The following KCNMA1 variants were observed in gnomAD, a reference collection of about 807,000 sequenced individuals.
KCNMA1 encodes Calcium-activated potassium channel subunit alpha-1.
In KCNMA1, 29 loss-of-function variants were observed where a neutral mutation model predicts 140.0. That is an observed-to-expected ratio of 0.21 (90% CI 0.15 to 0.28). The LOEUF is 0.28. Among genes scored for constraint, KCNMA1 ranks in the 10% least tolerant of loss-of-function variants. KCNMA1 has a pLI of 1.00. For synonymous variants in KCNMA1, 612 were observed against 611.9 expected, an observed-to-expected ratio of 1.00 and a Z score of 0.00; for missense variants, 880 against 1,602.2, an observed-to-expected ratio of 0.55 and a Z score of 7.70.
intron 2 of KCNMA1, among the ~76,000 whole-genome samples, chr10:77,291,801 A>G (rs1396809649): frequency 1.3e-5 from 2 of 151,998 alleles, no homozygotes; most frequent in Non-Finnish European, 2.9e-5. Flanking sequence ...TGTTTATTTC[A>G]TTTTTTCATG....
intron 14 of KCNMA1, chr10:77,063,614 C>G (rs550686179): frequency 2.5e-5 from 13 of 527,114 alleles, no homozygotes; most frequent in Admixed American, 6.4e-5. Context: ...AATTCCTCAT[C>G]ATTGTTCTGG....
intron 2 of KCNMA1, among the ~76,000 whole-genome samples, chr10:77,270,856 A>C (rs998242522): frequency 2.3e-4 from 35 of 152,254 alleles, no homozygotes; most frequent in African/African-American, 8.4e-4. Flanking sequence ...AAATATTCAA[A>C]GATTCAAGCC....
chr10:77,049,424 C>T (rs1232545464), intron 14 of KCNMA1, among the ~76,000 whole-genome samples: 1 of 152,142 alleles, frequency 6.6e-6, no homozygotes, highest in Non-Finnish European at 1.5e-5. Flanking sequence ...AGTAAGTGCT[C>T]CATGTGTGGT....
intron 2 of KCNMA1, among the ~76,000 whole-genome samples, chr10:77,294,275 T>C (rs532966619): frequency 4.6e-5 from 7 of 152,338 alleles, no homozygotes; most frequent in African/African-American, 1.7e-4. Context: ...GTACTTATCA[T>C]CCTTGACTTA....
At chr10:76,959,199 A>G (rs1156757994) in intron 20 of KCNMA1, among the ~76,000 whole-genome samples, 1 of 152,210 alleles carries the variant, frequency 6.6e-6, no homozygotes, top group Admixed American at 6.5e-5. Flanking sequence ...ATCAATGCCA[A>G]TGAAAGCCCA....
chr10:77,490,906 T>C (rs145932538), intron 1 of KCNMA1, among the ~76,000 whole-genome samples: 1 of 152,160 alleles, frequency 6.6e-6, no homozygotes, highest in Non-Finnish European at 1.5e-5. Context: ...ATCTTGACCT[T>C]GCTTTTACCT....
intron 14 of KCNMA1, among the ~76,000 whole-genome samples, chr10:77,062,181 G>C (rs2095781961): frequency 1.3e-5 from 2 of 152,018 alleles, no homozygotes; most frequent in South Asian, 4.1e-4. Context: ...AATCTTACTG[G>C]AATCATGTAC....
intron 1 of KCNMA1, among the ~76,000 whole-genome samples, chr10:77,563,551 C>T (rs1011109875): frequency 6.6e-6 from 1 of 152,274 alleles, no homozygotes; most frequent in East Asian, 1.9e-4. Flanking sequence ...CCAGCCCTAG[C>T]CCCAACACTG....
At chr10:77,170,174 A>C (rs929127175) in intron 5 of KCNMA1, among the ~76,000 whole-genome samples, 1 of 152,138 alleles carries the variant, frequency 6.6e-6, no homozygotes, top group Non-Finnish European at 1.5e-5. Flanking sequence ...CTGGGCAACA[A>C]TGCAAGACCC....
chr10:77,204,151 C>T (rs1212414001), intron 3 of KCNMA1, among the ~76,000 whole-genome samples: 1 of 151,594 alleles, frequency 6.6e-6, no homozygotes, highest in Non-Finnish European at 1.5e-5. Flanking sequence ...ATGACAATTA[C>T]ATCAGTTACA....
At chr10:77,588,096 G>T (rs1181544912) in intron 1 of KCNMA1, among the ~76,000 whole-genome samples, 2 of 152,100 alleles carry the variant, frequency 1.3e-5, no homozygotes, top group Non-Finnish European at 2.9e-5. Context: ...ATGAAGCCTG[G>T]GTCCCTGTAT....
At chr10:77,041,700 G>A (rs1158549562) in intron 14 of KCNMA1, among the ~76,000 whole-genome samples, 1 of 152,258 alleles carries the variant, frequency 6.6e-6, no homozygotes, top group Non-Finnish European at 1.5e-5. Flanking sequence ...GAGGGAAGGA[G>A]GGCAAGCTGT....
At chr10:77,277,566 T>A (rs1328026926) in intron 2 of KCNMA1, among the ~76,000 whole-genome samples, 1 of 152,182 alleles carries the variant, frequency 6.6e-6, no homozygotes, top group Non-Finnish European at 1.5e-5. Flanking sequence ...GACAACTGAC[T>A]TTCAGGGACA....
At chr10:77,086,634 T>C (rs1167612484) in intron 10 of KCNMA1, 41 bp from the exon 11 acceptor site, 9 of 1,451,060 alleles carry the variant, frequency 6.2e-6, no homozygotes, top group Non-Finnish European at 6.8e-6. Flanking sequence ...TTTAATGGAC[T>C]CGGGGGTTTC....
chr10:76,938,543 C>T (rs2061154913), intron 23 of KCNMA1, among the ~76,000 whole-genome samples: 1 of 152,210 alleles, frequency 6.6e-6, no homozygotes, highest in African/African-American at 2.4e-5. Flanking sequence ...GCTGCCAGAT[C>T]CATCTCCCTA....
intron 19 of KCNMA1, among the ~76,000 whole-genome samples, chr10:76,985,188 A>G (rs1011799098): frequency 6.6e-6 from 1 of 152,372 alleles, no homozygotes; most frequent in African/African-American, 2.4e-5. Flanking sequence ...TATGGGTTAT[A>G]TAAAAACCTA....
intron 23 of KCNMA1, among the ~76,000 whole-genome samples, chr10:76,931,299 G>T (rs1390514793): frequency 6.6e-6 from 1 of 152,010 alleles, no homozygotes; most frequent in East Asian, 1.9e-4. Flanking sequence ...TTACTTGTCA[G>T]TTGTATTTCA....
intron 3 of KCNMA1, among the ~76,000 whole-genome samples, chr10:77,229,910 T>G (rs764404257): frequency 2.4e-4 from 37 of 152,324 alleles, no homozygotes; most frequent in Middle Eastern, 3.4e-3. Flanking sequence ...AGCTAAACAT[T>G]GAATTCCTAA....
chr10:77,636,411 C>T lies in KCNMA1; in HGVS notation c.378+854G>A, dbSNP rs1354453550. The stretch of plus-strand genomic sequence containing the variant: ...GCTAAAGCCGACGACATCTAGCCAC[C>T]TCGAGCGCCAGGGAAGACGCTCCGC... On this transcript the variant is annotated intron_variant, in intron 1 of 27. Transcript: ENST00000286628. The T allele has an allele frequency of 2.6e-6, 4 of 1,536,124 alleles. No homozygotes were observed. The South Asian group carries it at 4.8e-5, about 18-fold the overall frequency.
Sources: allele counts gnomAD v4.1 joint callset (sites outside exome capture counted in the v4.1 genomes callset), GRCh38; gene constraint gnomAD v4.1.1; transcripts MANE v1.5; gene names NCBI Gene and HGNC (gene_info 2026-07-23, HGNC 2026-07-21).